ARHGAP15: variants seen among roughly 807,000 people sequenced by gnomAD.
ARHGAP15 encodes the protein Rho GTPase activating protein 15, also known as rho GTPase-activating protein 15.
ARHGAP15 carries 51 observed loss-of-function variants against 63.7 expected under a neutral mutation model. The observed-to-expected ratio is 0.80, with a 90% CI of 0.64 to 1.01. ARHGAP15 has a LOEUF of 1.01. ARHGAP15 is among the 50% of genes least tolerant of loss of function. The pLI, the probability that ARHGAP15 is intolerant of heterozygous loss-of-function variation, is 0.00. For synonymous variants in ARHGAP15, 191 were observed against 193.8 expected (o/e 0.99, Z 0.12); for missense variants, 560 against 564.6 (o/e 0.99, Z 0.08).
chr2:143,487,105 A>T (rs1692358416), intron 8 of ARHGAP15, among the ~76,000 whole-genome samples: 1 of 152,190 alleles, frequency 6.6e-6, no homozygotes, highest in African/African-American at 2.4e-5. Context: ...CCATGTAAAG[A>T]TTACGTTAAA....
intron 8 of ARHGAP15, among the ~76,000 whole-genome samples, chr2:143,445,564 G>GT (rs58161091): frequency 4.6e-5 from 7 of 151,720 alleles, no homozygotes; most frequent in African/African-American, 7.3e-5. Context: ...CCCTTCTCCA[G>GT]TTTTTTTTCA....
chr2:143,425,471 A>G (rs913070496), intron 6 of ARHGAP15, among the ~76,000 whole-genome samples: 2 of 151,944 alleles, frequency 1.3e-5, no homozygotes. Context: ...TGATATACCT[A>G]TATATCATAT....
At chr2:143,658,235 ACT>A (rs1681559587) in intron 12 of ARHGAP15, among the ~76,000 whole-genome samples, 1 of 151,892 alleles carries the variant, frequency 6.6e-6, no homozygotes, top group Non-Finnish European at 1.5e-5. Context: ...ACTCTCTACC[ACT>A]CTCTTATAAG....
intron 6 of ARHGAP15, among the ~76,000 whole-genome samples, chr2:143,382,338 C>T (rs1430887206): frequency 6.6e-6 from 1 of 152,142 alleles, no homozygotes; most frequent in Non-Finnish European, 1.5e-5. Context: ...CTGGAGGAAT[C>T]ATGCCTTGCC....
At chr2:143,654,075 GT>G (rs1681309944) in intron 12 of ARHGAP15, among the ~76,000 whole-genome samples, 1 of 152,124 alleles carries the variant, frequency 6.6e-6, no homozygotes, top group South Asian at 2.1e-4. Flanking sequence ...GAAGCTATTG[GT>G]TATTTAAGCA....
At chr2:143,136,896 T>C (rs1321317256) in intron 1 of ARHGAP15, among the ~76,000 whole-genome samples, 1 of 152,058 alleles carries the variant, frequency 6.6e-6, no homozygotes, top group Non-Finnish European at 1.5e-5. Flanking sequence ...GCAAGAGGTA[T>C]AGGTACATCA....
At chr2:143,328,105 G>A (rs1684339611) in intron 6 of ARHGAP15, among the ~76,000 whole-genome samples, 1 of 152,188 alleles carries the variant, frequency 6.6e-6, no homozygotes, top group African/African-American at 2.4e-5. Flanking sequence ...AGATGCTGGA[G>A]AGGATGTGGA....
At chr2:143,471,232 GT>G (rs772040424) in intron 8 of ARHGAP15, among the ~76,000 whole-genome samples, 2 of 146,942 alleles carry the variant, frequency 1.4e-5, no homozygotes, top group Non-Finnish European at 3.0e-5. Context: ...ACATGTGTAT[GT>G]GTATATGTGT....
chr2:143,250,442 C>A (rs1680098949), intron 5 of ARHGAP15, 69 bp from the exon 6 acceptor site: 5 of 1,212,892 alleles, frequency 4.1e-6, no homozygotes, highest in South Asian at 3.8e-5. Flanking sequence ...ACTCAATAAA[C>A]TCCTATTTCT....
At chr2:143,325,903 A>G (rs745765770) in intron 6 of ARHGAP15, among the ~76,000 whole-genome samples, 1 of 152,168 alleles carries the variant, frequency 6.6e-6, no homozygotes, top group Non-Finnish European at 1.5e-5. Context: ...ATGACAAGTA[A>G]AAAAGGAAAC....
chr2:143,666,168 A>T (rs1296649640), intron 12 of ARHGAP15, among the ~76,000 whole-genome samples: 2 of 151,618 alleles, frequency 1.3e-5, no homozygotes, highest in East Asian at 3.9e-4. Context: ...ACTTCAAACT[A>T]TACTACAAGA....
At chr2:143,670,889 T>A (rs1463962547) in intron 12 of ARHGAP15, among the ~76,000 whole-genome samples, 1 of 152,228 alleles carries the variant, frequency 6.6e-6, no homozygotes, top group East Asian at 1.9e-4. Context: ...GGTGAATTGA[T>A]GCACTGAACT....
intron 6 of ARHGAP15, among the ~76,000 whole-genome samples, chr2:143,275,594 G>A (rs1182718019): frequency 6.6e-6 from 1 of 152,194 alleles, no homozygotes; most frequent in Non-Finnish European, 1.5e-5. Context: ...AAGATCCAGT[G>A]AGCAATTTTT....
At chr2:143,654,897 A>G (rs753513774) in intron 12 of ARHGAP15, among the ~76,000 whole-genome samples, 2 of 152,184 alleles carry the variant, frequency 1.3e-5, no homozygotes, top group Admixed American at 6.5e-5. Flanking sequence ...CAGGAGTTTA[A>G]GATTAGCCTA....
At chr2:143,624,362 G>A (rs1468698605) in intron 12 of ARHGAP15, 95 bp downstream of exon 12, 10 of 1,345,508 alleles carry the variant, frequency 7.4e-6, no homozygotes, top group Non-Finnish European at 7.9e-6. Flanking sequence ...ATAATCATGG[G>A]GAACAGATAG....
intron 13 of ARHGAP15, among the ~76,000 whole-genome samples, chr2:143,733,899 TAAAA>T (rs1228547337): frequency 6.6e-6 from 1 of 152,204 alleles, no homozygotes; most frequent in Non-Finnish European, 1.5e-5. Context: ...AAAATTTTCT[TAAAA>T]AATTATTTAA....
At chr2:143,722,588 T>C (rs1056929824) in intron 13 of ARHGAP15, among the ~76,000 whole-genome samples, 3 of 152,268 alleles carry the variant, frequency 2.0e-5, no homozygotes, top group African/African-American at 7.2e-5. Context: ...GTGCTACTAA[T>C]GTAACAGGAA....
At chr2:143,224,153 G>A (rs1022216888) in intron 4 of ARHGAP15, among the ~76,000 whole-genome samples, 1 of 152,152 alleles carries the variant, frequency 6.6e-6, no homozygotes, top group African/African-American at 2.4e-5. Context: ...AGCGTGGGAA[G>A]CCCTCTGGAG....
intron 11 of ARHGAP15, among the ~76,000 whole-genome samples, chr2:143,561,676 C>T (rs889380774): frequency 2.0e-5 from 3 of 151,688 alleles, no homozygotes; most frequent in African/African-American, 4.8e-5. Context: ...CCACCAAGCT[C>T]GGCTAATATT....
Sources: gnomAD v4.1 joint callset for allele counts (sites outside exome capture counted in the v4.1 genomes callset) on GRCh38, gnomAD v4.1.1 for gene constraint, MANE v1.5 for transcripts, NCBI Gene and HGNC (gene_info 2026-07-23, HGNC 2026-07-21) for gene names.